SPDEF: variants seen among roughly 807,000 people sequenced by gnomAD.
The protein encoded by SPDEF is SAM pointed domain containing ETS transcription factor.
Under a neutral mutation model 36.0 loss-of-function variants are expected in SPDEF, and 12 were observed. The observed-to-expected ratio is 0.33, with a 90% CI of 0.21 to 0.54. The LOEUF (loss-of-function observed/expected upper bound fraction) is 0.54, where lower values mean the gene tolerates loss of function less well. SPDEF is among the 20% of genes least tolerant of loss of function. SPDEF has a pLI of 0.93. For missense variants in SPDEF, 388 were observed against 456.9 expected (o/e 0.85, Z 1.37); for synonymous variants, 205 against 193.0 (o/e 1.06, Z -0.51).
chr6:34,543,958 C>T, intron 2 of SPDEF, 62 bp downstream of exon 2: 1 of 1,548,070 alleles, frequency 6.5e-7, no homozygotes, highest in East Asian at 2.3e-5. Context: ...CCGACCCACC[C>T]CAGCGACCTC....
chr6:34,544,163 C>T lies in SPDEF; in HGVS notation c.293G>A (p.Ser98Asn). 6.2e-7 allele frequency: 1 copy of T among 1,613,886 alleles called. No homozygotes were observed. Among genetic ancestry groups the T allele is most frequent in the South Asian group, 1.1e-5 (1 of 91,076 alleles). Residue 98 changes from serine (S) to asparagine (N), a missense_variant, in exon 2 of 6, where the codon AGC becomes AAC. Ser to Asn is a conservative substitution (Grantham distance 46). Transcript: ENST00000374037. This position sits in a 1 kb window ranked among gnomAD's most constrained non-coding sequence, Gnocchi z 4.4. ...EEPEQCPVIDSQAPAGSLDLV... is the reference protein window; with the variant it reads ...EEPEQCPVIDNQAPAGSLDLV... The stretch of plus-strand genomic sequence containing the variant: ...GTCCAGGCTGCCCGCTGGGGCTTGG[C>T]TGTCAATGACCGGGCACTGCTCAGG...
chr6:34,540,958 C>T, intron 3 of SPDEF, 26 bp downstream of exon 3: 1 of 1,598,658 alleles, frequency 6.3e-7, no homozygotes, highest in Non-Finnish European at 8.5e-7. Flanking sequence ...CTGGGAGGGG[C>T]TGCTCCCAGC....
At chr6:34,550,251 C>G (rs780429870) in intron 1 of SPDEF, among the ~76,000 whole-genome samples, 2 of 152,076 alleles carry the variant, frequency 1.3e-5, no homozygotes, top group Non-Finnish European at 1.5e-5. Context: ...CAGGGAGGAC[C>G]TTGCTGCAAC....
chr6:34,543,899 A>T, intron 2 of SPDEF, 121 bp downstream of exon 2: 1 of 952,524 alleles, frequency 1.0e-6, no homozygotes, highest in Non-Finnish European at 1.6e-6. Context: ...GCATCCCCAA[A>T]GCTGCCCGAG....
At position 34,555,431 on chromosome 6, in the gene SPDEF, C is replaced by G. The variant is rs1267195024; in HGVS notation, c.-30+498G>C. ...CAGCTACTGGGCTCTGGACCTGTCT[C>G]CCCTGTCCCGAACTGGACCCGGCCT... On this transcript the variant is annotated intron_variant, in intron 1 of 5. Coordinates refer to ENST00000374037, the MANE Select transcript of SPDEF (RefSeq NM_012391.3). This position sits in a 1 kb window ranked among gnomAD's most constrained non-coding sequence, Gnocchi z 5.2. Among the ~76,000 whole-genome samples the G allele has an allele frequency of 6.6e-6, 1 of 152,134 alleles. No individual in the cohort carries two copies. Among genetic ancestry groups the G allele is most frequent in the Non-Finnish European group, 1.5e-5 (1 of 68,018 alleles).
chr6:34,542,855 C>T (rs1767851735), intron 2 of SPDEF, among the ~76,000 whole-genome samples: 2 of 143,230 alleles, frequency 1.4e-5, no homozygotes, highest in South Asian at 4.5e-4. Flanking sequence ...CACCACTGCA[C>T]TCCAGCCTCA....
rs556709087 is a variant in SPDEF, at chr6:34,539,679, C to T, written c.635-117G>A. ...GCCCCTCTGTGGCTGGGGGTTGCCC[C>T]TGTGGCTCCCTGCCTCCTGCCAACC... is the stretch of plus-strand genomic sequence containing the variant. On this transcript the variant is annotated intron_variant, in intron 3 of 5. Coordinates refer to ENST00000374037, the MANE Select transcript of SPDEF (RefSeq NM_012391.3). This position sits in a 1 kb window ranked among gnomAD's most constrained non-coding sequence, Gnocchi z 5.2. The T allele has an allele frequency of 3.2e-5, 38 of 1,184,006 alleles. 1 individual carries two copies. In the South Asian group the frequency reaches 3.7e-4, roughly 11 times the overall value. The allele number at this position is 1,184,006 out of a possible 1,614,324, so 73.3% of individuals were successfully genotyped here.
At position 34,538,837 on chromosome 6, in the gene SPDEF, G is replaced by A. The variant is rs1767750126; in HGVS notation, c.830-385C>T. Among the ~76,000 whole-genome samples, 1 of 152,194 alleles carries A rather than the reference G, an allele frequency of 6.6e-6. No homozygotes were observed. The highest frequency in any genetic ancestry group is 1.5e-5 in the Non-Finnish European group (1 of 68,020). On this transcript the variant is annotated intron_variant, in intron 5 of 5. Transcript: ENST00000374037. The surrounding 1 kb of genome is among the most constrained non-coding windows in gnomAD (Gnocchi z 5.9). ...AAAGTCCTGTGTGGCTCCCAGCAGT[G>A]CCCACGGCTCACTTGGCAAGAGCAT...
chr6:34,555,722 G>A lies in SPDEF; in HGVS notation c.-30+207C>T, dbSNP rs1356277335. Among the ~76,000 whole-genome samples the A allele has an allele frequency of 6.6e-6, 1 of 152,146 alleles. No individual in the cohort carries two copies. Among genetic ancestry groups the A allele is most frequent in the Non-Finnish European group, 1.5e-5 (1 of 68,020 alleles). The stretch of plus-strand genomic sequence containing the variant: ...GGGGGCTCACCCAGCATGTAGAGTT[G>A]GCCCAGAGAGGCAGTCTGGGGAGCA... On this transcript the variant is annotated intron_variant, in intron 1 of 5. Coordinates refer to ENST00000374037, the MANE Select transcript of SPDEF (RefSeq NM_012391.3). This position sits in a 1 kb window ranked among gnomAD's most constrained non-coding sequence, Gnocchi z 5.2.
chr6:34,550,540 T>C (rs1255118993), intron 1 of SPDEF, among the ~76,000 whole-genome samples: 1 of 152,216 alleles, frequency 6.6e-6, no homozygotes, highest in Non-Finnish European at 1.5e-5. Context: ...TCTTGCTGTC[T>C]TGGACTCAGC....
chr6:34,544,040 T>G lies in SPDEF; in HGVS notation c.416A>C (p.Lys139Thr), dbSNP rs1163401313. 2 of 1,611,908 alleles carry G rather than the reference T, an allele frequency of 1.2e-6. No homozygotes were observed. Among genetic ancestry groups the G allele is most frequent in the Non-Finnish European group, 1.7e-6 (2 of 1,179,306 alleles). ...CTCACCTGCGGTGATGTTGAGCAGCTTGCAGGCCGTCTCGATGTCCTTGAG... is the reference window on the plus strand; with the variant it reads ...CTCACCTGCGGTGATGTTGAGCAGCGTGCAGGCCGTCTCGATGTCCTTGAG... ...EVLKDIETAC[K>T]LLNITADPMD... is the part of the protein sequence containing the mutation. The change falls in exon 2 of 6, where the codon AAG (lysine) becomes ACG (threonine). Residue 139 changes from lysine (K) to threonine (T), a missense_variant. Physicochemically the swap from Lys to Thr is moderately conservative, Grantham distance 78 (BLOSUM62 -1). Coordinates refer to ENST00000374037, the MANE Select transcript of SPDEF (RefSeq NM_012391.3). This position sits in a 1 kb window ranked among gnomAD's most constrained non-coding sequence, Gnocchi z 4.4.
intron 2 of SPDEF, among the ~76,000 whole-genome samples, chr6:34,543,334 T>C (rs1034798868): frequency 6.6e-6 from 1 of 151,444 alleles, no homozygotes; most frequent in African/African-American, 2.4e-5. Flanking sequence ...GCAAAACAAA[T>C]GAAAATCCCT....
Position 34,552,400 on chromosome 6 carries a change from A to G in SPDEF, c.-30+3529T>C, listed in dbSNP as rs535518302. ...TCCTCTTGGCCTCAGCCTCTTCAGC[A>G]GTGAAACAGGGACTCATAAAGACAG... On this transcript the variant is annotated intron_variant, in intron 1 of 5. Coordinates refer to ENST00000374037, the MANE Select transcript of SPDEF (RefSeq NM_012391.3). The surrounding 1 kb of genome is among the most constrained non-coding windows in gnomAD (Gnocchi z 4.6). Among the ~76,000 whole-genome samples the G allele has an allele frequency of 1.3e-5, 2 of 152,352 alleles. No homozygotes were observed. The highest frequency in any genetic ancestry group is 1.5e-5 in the Non-Finnish European group (1 of 68,026).
At chr6:34,540,452 G>A (rs563838794) in intron 3 of SPDEF, among the ~76,000 whole-genome samples, 1 of 151,870 alleles carries the variant, frequency 6.6e-6, no homozygotes, top group Admixed American at 6.6e-5. Context: ...ATGTAAATGT[G>A]CTCGAGTATT....
chr6:34,549,605 C>G (rs1030294446), intron 1 of SPDEF, among the ~76,000 whole-genome samples: 4 of 152,202 alleles, frequency 2.6e-5, no homozygotes, highest in African/African-American at 4.8e-5. Context: ...GGACCCAGGT[C>G]GCTGTGCGGG....
intron 2 of SPDEF, among the ~76,000 whole-genome samples, chr6:34,542,511 T>C (rs952277118): frequency 6.6e-6 from 1 of 152,256 alleles, no homozygotes; most frequent in Non-Finnish European, 1.5e-5. Context: ...TGTCACTCAC[T>C]ATCATGTCAG....
chr6:34,549,193 G>T (rs1016234384), intron 1 of SPDEF, among the ~76,000 whole-genome samples: 1 of 152,028 alleles, frequency 6.6e-6, no homozygotes, highest in Non-Finnish European at 1.5e-5. Flanking sequence ...GGCTCAGCGT[G>T]TCCTGGCTCC....
intron 2 of SPDEF, among the ~76,000 whole-genome samples, chr6:34,543,439 G>A (rs1422324736): frequency 6.6e-6 from 1 of 152,170 alleles, no homozygotes; most frequent in Non-Finnish European, 1.5e-5. Flanking sequence ...AGTGCTATGA[G>A]AGGAAGCAGG....
chr6:34,543,671 C>T (rs548050479), intron 2 of SPDEF, among the ~76,000 whole-genome samples: 9 of 152,204 alleles, frequency 5.9e-5, no homozygotes, highest in Admixed American at 2.6e-4. Context: ...GAAGCAGCAG[C>T]GTAGCAAATG....
Sources: gnomAD v4.1 joint callset for allele counts (sites outside exome capture counted in the v4.1 genomes callset) on GRCh38, gnomAD v4.1.1 for gene constraint, Gnocchi (gnomAD v3.1) non-coding constraint, MANE v1.5 for transcripts, NCBI Gene and HGNC (gene_info 2026-07-23, HGNC 2026-07-21) for gene names.